Variants in CENPV observed in about 807,000 individuals in gnomAD.
CENPV encodes centromere protein V, also known as nuclear protein p30.
CENPV carries 15 observed loss-of-function variants against 26.4 expected under a neutral mutation model. The ratio of observed to expected loss-of-function variants is 0.57; its 90% CI spans 0.38 to 0.88. The LOEUF is 0.88. CENPV is among the 40% of genes least tolerant of loss of function. CENPV has a pLI of 0.00. For synonymous variants in CENPV, 172 were observed against 165.5 expected, an observed-to-expected ratio of 1.04 and a Z score of -0.30; for missense variants, 336 against 376.5, an observed-to-expected ratio of 0.89 and a Z score of 0.89.
intron 1 of CENPV, 44 bp downstream of exon 1, chr17:16,352,983 C>G: frequency 6.6e-7 from 1 of 1,504,502 alleles, no homozygotes; most frequent in South Asian, 1.2e-5. Flanking sequence ...CCGAGGGGGT[C>G]CGCGTGGCAA....
At chr17:16,348,297 C>T (rs147450654) in intron 3 of CENPV, 18,498 of 243,468 alleles carry the variant, frequency 0.076, 950 homozygotes, top group Non-Finnish European at 0.11. Flanking sequence ...GCTGGGATTA[C>T]AGGCATGCAC....
chr17:16,351,406 T>C (rs1371866078), intron 1 of CENPV: 1 of 152,234 alleles, frequency 6.6e-6, no homozygotes, highest in African/African-American at 2.4e-5. Flanking sequence ...GAAAAATAGC[T>C]CACTGCAGTT....
intron 3 of CENPV, among the ~76,000 whole-genome samples, chr17:16,346,545 G>A (rs1369386057): frequency 1.3e-5 from 2 of 152,148 alleles, no homozygotes; most frequent in Non-Finnish European, 2.9e-5. Context: ...GAGGTCAGGA[G>A]TTCAAGACCA....
chr17:16,343,096 A>C (rs1178811131), intron 4 of CENPV, among the ~76,000 whole-genome samples, 155 bp from the exon 5 acceptor site: 1 of 152,158 alleles, frequency 6.6e-6, no homozygotes, highest in Non-Finnish European at 1.5e-5. Context: ...CAGTGATGAG[A>C]CCCACAGGCT....
chr17:16,348,966 A>C, intron 2 of CENPV: 1 of 1,127,296 alleles, frequency 8.9e-7, no homozygotes, highest in South Asian at 3.2e-5. Context: ...CTTTACAGTG[A>C]AGAGAAGCGC....
intron 4 of CENPV, 54 bp downstream of exon 4, chr17:16,344,543 C>A: frequency 1.0e-6 from 1 of 998,870 alleles, no homozygotes; most frequent in Admixed American, 2.6e-5. Context: ...TAAATGAGAG[C>A]ACCATGGGCC....
In CENPV at chr17:16,353,263, C is replaced by T. The variant is rs889564611; in HGVS notation, c.174G>A (p.Ser58=). ...ACGAGCGCCTCAGCCGCGGCTTCTCCGACGGCGGCTTCTCCACCGCCTGGC... is the reference window on the plus strand; with the variant it reads ...ACGAGCGCCTCAGCCGCGGCTTCTCTGACGGCGGCTTCTCCACCGCCTGGC... The part of the protein sequence containing the change: ...SKSQAVEKPP[S]EKPRLRRSSP... Residue 58 remains serine, a synonymous_variant, in exon 1 of 5, where the codon TCG becomes TCA. Transcript: ENST00000299736. The T allele has an allele frequency of 2.1e-6, 3 of 1,418,230 alleles. No individual in the cohort carries two copies. Among genetic ancestry groups the T allele is most frequent in the Non-Finnish European group, 2.8e-6 (3 of 1,086,722 alleles). The allele number at this position is 1,418,230 out of a possible 1,614,324, so 87.9% of individuals were successfully genotyped here.
intron 4 of CENPV, among the ~76,000 whole-genome samples, chr17:16,343,433 A>G (rs541836307): frequency 6.6e-6 from 1 of 152,244 alleles, no homozygotes; most frequent in Non-Finnish European, 1.5e-5. Context: ...TACGGGTTCA[A>G]GTGATTCTCC....
At chr17:16,348,938 A>G (rs899856512) in intron 2 of CENPV, 1 of 1,253,764 alleles carries the variant, frequency 8.0e-7, no homozygotes, top group African/African-American at 1.5e-5. Flanking sequence ...ACAGGTCTGT[A>G]CTGCCCACCC....
At position 16,350,937 on chromosome 17, in the gene CENPV, A is replaced by AT. The variant is rs748248947; in HGVS notation, c.411-909dup. 5.5e-3 allele frequency: 810 copies of AT among 146,716 alleles called. 5 individuals carry two copies. Among genetic ancestry groups the AT allele is most frequent in the Non-Finnish European group, 5.8e-3 (384 of 66,158 alleles). The allele number at this position is 146,716 out of a possible 1,614,324, so 9.1% of individuals were successfully genotyped here. On this transcript the variant is annotated intron_variant, in intron 1 of 4. Transcript: ENST00000299736. ...ATAGTTGTAATACACATTACATAGA[A>AT]TTTTTTTTTTTTGAGAGGGAGTTTC...
intron 1 of CENPV, 106 bp from the exon 2 acceptor site, chr17:16,350,135 C>A: frequency 7.4e-7 from 1 of 1,356,984 alleles, no homozygotes; most frequent in African/African-American, 1.5e-5. Context: ...GTCTTTTCTA[C>A]ATGACAACCA....
chr17:16,353,416 A>T lies in CENPV; in HGVS notation c.21T>A (p.Ser7=). MRRSRS[S]AAAKLRGQKR... ...TCTGCCCGCGCAGCTTGGCGGCCGC[A>T]GAGCTCCTCGATCGCCGCATGGCTC... Residue 7 remains serine (S), a synonymous_variant, in exon 1 of 5, where the codon TCT becomes TCA. Coordinates refer to ENST00000299736, the MANE Select transcript of CENPV (RefSeq NM_181716.3). 1 of 1,171,520 alleles carries T rather than the reference A, an allele frequency of 8.5e-7. No individual in the cohort carries two copies. Among genetic ancestry groups the T allele is most frequent in the Non-Finnish European group, 1.1e-6 (1 of 951,216 alleles). The allele number at this position is 1,171,520 out of a possible 1,614,324, so 72.6% of individuals were successfully genotyped here.
chr17:16,351,008 C>A (rs1395059970), intron 1 of CENPV: 3 of 151,976 alleles, frequency 2.0e-5, no homozygotes, highest in Non-Finnish European at 4.4e-5. Context: ...TTTCAGCCCA[C>A]CGCAACCTCC....
At position 16,353,453 on chromosome 17, in the gene CENPV, C is replaced by A; in HGVS notation, c.-17G>T. 2 of 1,109,588 alleles carry A rather than the reference C, an allele frequency of 1.8e-6. No individual in the cohort carries two copies. Among genetic ancestry groups the A allele is most frequent in the Non-Finnish European group, 2.2e-6 (2 of 911,706 alleles). The allele number at this position is 1,109,588 out of a possible 1,614,324, so 68.7% of individuals were successfully genotyped here. ...TCGCCGCATGGCTCCCGCAGCCTGG[C>A]GCGCAGGCCTCGCAGCGCGGCGCGC... is the stretch of plus-strand genomic sequence containing the variant. On this transcript the variant is annotated 5_prime_UTR_variant, in exon 1 of 5. Coordinates refer to ENST00000299736, the MANE Select transcript of CENPV (RefSeq NM_181716.3).
chr17:16,348,575 A>T, intron 3 of CENPV, 41 bp downstream of exon 3: 2 of 1,612,264 alleles, frequency 1.2e-6, no homozygotes, highest in Non-Finnish European at 1.7e-6. Flanking sequence ...AAATCTCACC[A>T]ATGGGTTCTG....
At chr17:16,343,089 T>A in intron 4 of CENPV, 148 bp from the exon 5 acceptor site, 1 of 911,128 alleles carries the variant, frequency 1.1e-6, no homozygotes, top group Non-Finnish European at 1.6e-6. Flanking sequence ...ATGGCTTCAG[T>A]GATGAGACCC....
chr17:16,347,016 G>C (rs949343093), intron 3 of CENPV, among the ~76,000 whole-genome samples: 6 of 151,704 alleles, frequency 4.0e-5, no homozygotes, highest in Non-Finnish European at 7.4e-5. Context: ...ACACCTAGCC[G>C]ATTTTTTATT....
intron 1 of CENPV, among the ~76,000 whole-genome samples, 167 bp from the exon 2 acceptor site, chr17:16,350,196 GGT>G (rs1206211901): frequency 9.9e-5 from 15 of 152,218 alleles, no homozygotes; most frequent in African/African-American, 3.4e-4. Flanking sequence ...AGTGAAGAAT[GGT>G]TTCAGCACCT....
rs1472573914 is a variant in CENPV, at chr17:16,344,644, C to T, written c.647G>A (p.Cys216Tyr). The T allele has an allele frequency of 6.2e-7, 1 of 1,600,612 alleles. No homozygotes were observed. The highest frequency in any genetic ancestry group is 8.5e-7 in the Non-Finnish European group (1 of 1,174,162). The change falls in exon 4 of 5, where the codon TGT (cysteine) becomes TAT (tyrosine). Residue 216 changes from cysteine (C) to tyrosine (Y), a missense_variant. Cys to Tyr is a radical substitution (Grantham distance 194). Coordinates refer to ENST00000299736, the MANE Select transcript of CENPV (RefSeq NM_181716.3). ...TGGAGTATAGAAGCTCTGAACGCCA[C>T]ATCTCTTACAGAAGGTATGCTGGGC... is the stretch of plus-strand genomic sequence containing the variant. The part of the protein sequence containing the change: ...HKAQHTFCKR[C>Y]GVQSFYTPRS...
Sources: allele counts gnomAD v4.1 joint callset (sites outside exome capture counted in the v4.1 genomes callset), GRCh38; gene constraint gnomAD v4.1.1; transcripts MANE v1.5; gene names NCBI Gene and HGNC (gene_info 2026-07-23, HGNC 2026-07-21).